The following CFAP144 variants were observed in gnomAD, a reference collection of about 807,000 sequenced individuals.
CFAP144 encodes cilia and flagella associated protein 144.
chr1:43,154,105 CTT>C, the CFAP144 span, among the ~76,000 whole-genome samples: 1 of 101,554 alleles, frequency 9.8e-6, no homozygotes, highest in African/African-American at 3.2e-5. Flanking sequence ...TATATACTCT[CTT>C]TTTATATATA....
At chr1:43,153,730 CCTT>C in the CFAP144 span, among the ~76,000 whole-genome samples, 38 of 151,462 alleles carry the variant, frequency 2.5e-4, no homozygotes, top group African/African-American at 8.7e-4. Flanking sequence ...AGGGTCCTCT[CCTT>C]GTTTGATTGG....
the CFAP144 span, chr1:43,150,627 A>T: frequency 1.4e-6 from 1 of 730,702 alleles, no homozygotes. Context: ...TTATCCTAGC[A>T]CCCAGGATAA....
At chr1:43,154,062 GTATATATATATATATATATATATA>G in the CFAP144 span, among the ~76,000 whole-genome samples, 5 of 83,666 alleles carry the variant, frequency 6.0e-5, no homozygotes, top group Non-Finnish European at 9.5e-5. Flanking sequence ...ATATGTGTGT[GTATATATATATATATATATATATA>G]TATATATATA....
chr1:43,153,446 C>T, the CFAP144 span, among the ~76,000 whole-genome samples: 1 of 151,934 alleles, frequency 6.6e-6, no homozygotes, highest in Non-Finnish European at 1.5e-5. Flanking sequence ...CCCATCTGTA[C>T]TAAAAATACA....
the CFAP144 span, among the ~76,000 whole-genome samples, chr1:43,155,092 C>T: frequency 1.3e-4 from 20 of 152,232 alleles, no homozygotes; most frequent in Admixed American, 9.2e-4. Flanking sequence ...ATGGAAATCC[C>T]AAAATCAGAC....
chr1:43,149,644 A>G, the CFAP144 span, among the ~76,000 whole-genome samples: 2 of 152,196 alleles, frequency 1.3e-5, no homozygotes, highest in East Asian at 1.9e-4. Flanking sequence ...TAATCTCTTC[A>G]GGCAACCTTC....
At chr1:43,147,682 T>A in the CFAP144 span, 2 of 784,058 alleles carry the variant, frequency 2.6e-6, no homozygotes, top group Non-Finnish European at 3.1e-6. Context: ...GGGGACCTTC[T>A]AGTAACCAGC....
the CFAP144 span, among the ~76,000 whole-genome samples, chr1:43,155,936 G>A: frequency 6.6e-6 from 1 of 152,224 alleles, no homozygotes. Flanking sequence ...AATATGCATT[G>A]AATACCTAGC....
the CFAP144 span, chr1:43,145,362 CA>C: frequency 8.1e-7 from 1 of 1,228,496 alleles, no homozygotes; most frequent in Non-Finnish European, 1.2e-6. Flanking sequence ...ACATAGGGCA[CA>C]AGGTCCCTGC....
the CFAP144 span, among the ~76,000 whole-genome samples, chr1:43,148,920 T>G: frequency 1.3e-5 from 2 of 152,150 alleles, no homozygotes; most frequent in Non-Finnish European, 2.9e-5. Context: ...GACACCATCA[T>G]GCATATGGAT....
the CFAP144 span, among the ~76,000 whole-genome samples, chr1:43,148,627 T>C: frequency 6.6e-6 from 1 of 152,128 alleles, no homozygotes; most frequent in Non-Finnish European, 1.5e-5. Context: ...CTCCCCTCCC[T>C]GGACAACCCA....
the CFAP144 span, among the ~76,000 whole-genome samples, chr1:43,149,650 C>A: frequency 2.6e-5 from 4 of 152,174 alleles, no homozygotes; most frequent in Admixed American, 2.0e-4. Context: ...CTTCAGGCAA[C>A]CTTCATGCTC....
At chr1:43,152,907 A>G in the CFAP144 span, 2 of 1,613,300 alleles carry the variant, frequency 1.2e-6, no homozygotes, top group Non-Finnish European at 1.7e-6. Context: ...AAAACCAGGA[A>G]GTTGGATGGG....
chr1:43,152,285 C>T, the CFAP144 span, among the ~76,000 whole-genome samples: 2 of 152,140 alleles, frequency 1.3e-5, no homozygotes, highest in African/African-American at 4.8e-5. Flanking sequence ...TTCTTACAAC[C>T]TTGCTCCTCA....
chr1:43,145,442 C>T, the CFAP144 span: 1 of 678,808 alleles, frequency 1.5e-6, no homozygotes, highest in Non-Finnish European at 2.6e-6. Flanking sequence ...TTTCTTCATC[C>T]TAGGATTCCA....
chr1:43,147,964 C>G, the CFAP144 span: 1 of 1,613,942 alleles, frequency 6.2e-7, no homozygotes, highest in Non-Finnish European at 8.5e-7. Flanking sequence ...GGCGGGACAC[C>G]CAAAAGAGAA....
the CFAP144 span, among the ~76,000 whole-genome samples, chr1:43,149,336 G>A: frequency 1.3e-5 from 2 of 152,118 alleles, no homozygotes; most frequent in South Asian, 2.1e-4. Context: ...CATTGCTGAC[G>A]AATCCCACAC....
the CFAP144 span, among the ~76,000 whole-genome samples, chr1:43,154,303 TTATA>T: frequency 6.9e-6 from 1 of 145,582 alleles, no homozygotes; most frequent in South Asian, 2.1e-4. Flanking sequence ...TAAAATAAAA[TTATA>T]TATAAATAAA....
At chr1:43,149,739 T>A in the CFAP144 span, among the ~76,000 whole-genome samples, 1 of 152,264 alleles carries the variant, frequency 6.6e-6, no homozygotes, top group Non-Finnish European at 1.5e-5. Flanking sequence ...ATATTACAAC[T>A]TGTATTGATT....
Sources: allele counts gnomAD v4.1 joint callset (sites outside exome capture counted in the v4.1 genomes callset), GRCh38; gene constraint gnomAD v4.1.1; transcripts MANE v1.5; gene names NCBI Gene and HGNC (gene_info 2026-07-23, HGNC 2026-07-21).